CENPW: variants seen among roughly 807,000 people sequenced by gnomAD.
CENPW encodes cancer-up-regulated gene 2 protein.
A neutral mutation model predicts 11.1 loss-of-function variants in CENPW; 3 were observed. That is an observed-to-expected ratio of 0.27 (90% CI 0.12 to 0.70). The LOEUF (loss-of-function observed/expected upper bound fraction) is 0.70, where lower values mean the gene tolerates loss of function less well. Ranked by LOEUF, CENPW falls within the 30% of genes least tolerant of loss-of-function variation. CENPW has a pLI of 0.77. For missense variants in CENPW, 100 were observed against 105.6 expected (o/e 0.95, Z 0.23); for synonymous variants, 38 against 42.0 (o/e 0.91, Z 0.37).
chr6:126,367,277 T>G, the CENPW span, among the ~76,000 whole-genome samples: 3 of 152,084 alleles, frequency 2.0e-5, no homozygotes, highest in Admixed American at 2.0e-4. Flanking sequence ...GGGTTTTAAG[T>G]GTACCTGTCA....
the CENPW span, among the ~76,000 whole-genome samples, chr6:126,360,979 G>A: frequency 6.6e-6 from 1 of 152,162 alleles, no homozygotes; most frequent in Admixed American, 6.5e-5. Context: ...TGGAGGTTAA[G>A]GGGACATTCT....
chr6:126,421,553 C>T, the CENPW span, among the ~76,000 whole-genome samples: 71 of 151,174 alleles, frequency 4.7e-4, 1 homozygote, highest in South Asian at 8.4e-4. Context: ...CAAATTTTCC[C>T]GATTAAATAG....
the CENPW span, among the ~76,000 whole-genome samples, chr6:126,467,052 A>T: frequency 6.6e-6 from 1 of 152,238 alleles, no homozygotes; most frequent in East Asian, 1.9e-4. Context: ...TAATATCATT[A>T]AAATGGCCAT....
the CENPW span, among the ~76,000 whole-genome samples, chr6:126,395,561 A>T: frequency 6.6e-6 from 1 of 151,978 alleles, no homozygotes; most frequent in African/African-American, 2.4e-5. Context: ...AGTTTCTTTG[A>T]TGAGGTAATG....
At chr6:126,341,365 C>CT (rs1780307005) in intron 1 of CENPW, among the ~76,000 whole-genome samples, 2 of 152,116 alleles carry the variant, frequency 1.3e-5, no homozygotes, top group Admixed American at 1.3e-4. Flanking sequence ...ATGAATCATC[C>CT]TAGCTGTTCT....
chr6:126,450,487 T>A, the CENPW span, among the ~76,000 whole-genome samples: 1 of 151,106 alleles, frequency 6.6e-6, no homozygotes, highest in South Asian at 2.1e-4. Context: ...GAGTTGGTTG[T>A]CTCATTCAGG....
In CENPW at chr6:126,340,475, T is replaced by G. The variant is rs1412394662; in HGVS notation, c.126+76T>G. 5.0e-6 allele frequency: 8 copies of G among 1,609,284 alleles called. No individual in the cohort carries two copies. The African/African-American group carries it at 1.1e-4, about 22-fold the overall frequency. On this transcript the variant is annotated intron_variant, in intron 1 of 2. Coordinates refer to ENST00000368328, the MANE Select transcript of CENPW (RefSeq NM_001012507.4). ...GGCAATAACCTTAAGCCTTTGTTTT[T>G]CCGCCCCGAGCCAATTTATAGCTCT...
the CENPW span, among the ~76,000 whole-genome samples, chr6:126,397,221 A>C: frequency 6.6e-6 from 1 of 152,066 alleles, no homozygotes. Flanking sequence ...CTGAAACTCA[A>C]GTTTCAACCC....
chr6:126,396,783 G>A, the CENPW span, among the ~76,000 whole-genome samples: 2 of 151,976 alleles, frequency 1.3e-5, no homozygotes, highest in Non-Finnish European at 2.9e-5. Context: ...GTGCTTCCAG[G>A]ACTGGGTTCT....
chr6:126,431,099 G>T, the CENPW span, among the ~76,000 whole-genome samples: 1 of 152,102 alleles, frequency 6.6e-6, no homozygotes, highest in African/African-American at 2.4e-5. Context: ...CTGAGGACAG[G>T]AGAATTTTCT....
chr6:126,451,459 C>G, the CENPW span, among the ~76,000 whole-genome samples: 2 of 151,036 alleles, frequency 1.3e-5, no homozygotes, highest in African/African-American at 4.8e-5. Flanking sequence ...CTAGGAAAAG[C>G]CCTCTAGTTC....
At chr6:126,441,583 T>G in the CENPW span, among the ~76,000 whole-genome samples, 1 of 151,456 alleles carries the variant, frequency 6.6e-6, no homozygotes, top group Admixed American at 6.6e-5. Context: ...TGCCCAAGTT[T>G]AGCCTTTTGT....
chr6:126,414,161 A>T, the CENPW span, among the ~76,000 whole-genome samples: 2 of 152,032 alleles, frequency 1.3e-5, no homozygotes, highest in East Asian at 3.8e-4. Context: ...GAACACATGG[A>T]TATATAAAGC....
chr6:126,388,042 A>G, the CENPW span, among the ~76,000 whole-genome samples: 1 of 152,020 alleles, frequency 6.6e-6, no homozygotes, highest in Admixed American at 6.6e-5. Context: ...CACCATATAC[A>G]GTAGCACAAA....
chr6:126,426,866 C>T, the CENPW span, among the ~76,000 whole-genome samples: 19 of 152,200 alleles, frequency 1.2e-4, no homozygotes, highest in African/African-American at 3.6e-4. Flanking sequence ...CAGTGACATC[C>T]GCAGTAAGTT....
At chr6:126,461,216 A>G in the CENPW span, among the ~76,000 whole-genome samples, 297 of 151,788 alleles carry the variant, frequency 2.0e-3, 1 homozygote, top group African/African-American at 6.7e-3. Context: ...CATGTTAGTG[A>G]ATAAGTCTCA....
the CENPW span, among the ~76,000 whole-genome samples, chr6:126,474,042 T>A: frequency 1.3e-5 from 2 of 148,976 alleles, no homozygotes; most frequent in African/African-American, 4.9e-5. Context: ...ATCATTTTAG[T>A]CATTCTACTG....
At chr6:126,405,079 A>C in the CENPW span, among the ~76,000 whole-genome samples, 5 of 152,034 alleles carry the variant, frequency 3.3e-5, no homozygotes, top group Admixed American at 1.3e-4. Context: ...TTAAATGTCC[A>C]ATGTCCAATA....
At chr6:126,420,511 A>G in the CENPW span, among the ~76,000 whole-genome samples, 6 of 152,212 alleles carry the variant, frequency 3.9e-5, no homozygotes, top group Non-Finnish European at 5.9e-5. Flanking sequence ...GGAGACAGGT[A>G]AGCTTAATTT....
Sources: allele counts gnomAD v4.1 joint callset (sites outside exome capture counted in the v4.1 genomes callset), GRCh38; gene constraint gnomAD v4.1.1; transcripts MANE v1.5; gene names NCBI Gene and HGNC (gene_info 2026-07-23, HGNC 2026-07-21).